Variants in USP32 observed in about 807,000 individuals in gnomAD.
USP32 encodes ubiquitin specific peptidase 32.
USP32 carries 59 observed loss-of-function variants against 204.8 expected under a neutral mutation model. The ratio of observed to expected loss-of-function variants is 0.29; its 90% CI spans 0.23 to 0.36. The LOEUF is 0.36. Ranked by LOEUF, USP32 falls within the 10% of genes least tolerant of loss-of-function variation. The pLI is 1.00. For synonymous variants in USP32, 517 were observed against 678.4 expected (o/e 0.76, Z 3.70); for missense variants, 1,160 against 1,946.4 (o/e 0.60, Z 7.60).
At chr17:60,369,027 C>T (rs1414384226) in intron 1 of USP32, among the ~76,000 whole-genome samples, 15 of 107,702 alleles carry the variant, frequency 1.4e-4, no homozygotes, top group Non-Finnish European at 1.9e-4. Flanking sequence ...CGGAGTCTCG[C>T]TCTGTCGCCC....
chr17:60,247,125 T>C (rs1288191249), intron 11 of USP32, among the ~76,000 whole-genome samples: 6 of 152,202 alleles, frequency 3.9e-5, no homozygotes, highest in Admixed American at 2.0e-4. Context: ...TCCTACAGCA[T>C]TTCCCCAATT....
intron 1 of USP32, among the ~76,000 whole-genome samples, chr17:60,387,101 CG>C: frequency 6.6e-6 from 1 of 152,240 alleles, no homozygotes; most frequent in Middle Eastern, 3.4e-3. Context: ...GAGATAAATA[CG>C]CATCCCAGAA....
In USP32 at chr17:60,274,554, A is replaced by G. The variant is rs865954046; in HGVS notation, c.572-3073T>C. Among the ~76,000 whole-genome samples, 34 of 152,330 alleles carry G rather than the reference A, an allele frequency of 2.2e-4. 1 individual carries two copies. The highest frequency in any genetic ancestry group is 7.7e-4 in the African/African-American group (32 of 41,582). Reference sequence around the variant, plus strand: ...GATGGGGGAAAAACACATTACAAACAAAAGAACTAAGATAATAATTTATCT... The same window carrying G: ...GATGGGGGAAAAACACATTACAAACGAAAGAACTAAGATAATAATTTATCT... On this transcript the variant is annotated intron_variant, in intron 5 of 33. Transcript: ENST00000300896.
intron 1 of USP32, among the ~76,000 whole-genome samples, chr17:60,418,276 A>T (rs1306171753): frequency 6.6e-6 from 1 of 151,768 alleles, no homozygotes; most frequent in Non-Finnish European, 1.5e-5. Flanking sequence ...TATTTTTAGT[A>T]GAGACAGCAT....
At chr17:60,191,409 A>AG in intron 28 of USP32, among the ~76,000 whole-genome samples, 1 of 150,332 alleles carries the variant, frequency 6.7e-6, no homozygotes, top group Non-Finnish European at 1.5e-5. Context: ...TTAAAAAAAA[A>AG]AAAAAAAAAA....
chr17:60,356,194 A>G (rs1052698738), intron 1 of USP32, among the ~76,000 whole-genome samples: 2 of 152,196 alleles, frequency 1.3e-5, no homozygotes, highest in African/African-American at 2.4e-5. Flanking sequence ...AAAAACAATC[A>G]GTGGCAACTA....
In USP32 at chr17:60,311,457, T is replaced by C. The variant is rs2087851552; in HGVS notation, c.187-9753A>G. On this transcript the variant is annotated intron_variant, in intron 2 of 33. Coordinates refer to ENST00000300896, the MANE Select transcript of USP32 (RefSeq NM_032582.4). ...AACTCTGAAGAGAGGGAAATTTGTC[T>C]GTATTGTCAAAGAAAAAGACTTATA... Among the ~76,000 whole-genome samples, 3 of 152,328 alleles carry C rather than the reference T, an allele frequency of 2.0e-5. No individual in the cohort carries two copies. The South Asian group carries it at 6.2e-4, about 32-fold the overall frequency.
At chr17:60,381,538 T>G (rs1230373451) in intron 1 of USP32, among the ~76,000 whole-genome samples, 1 of 152,178 alleles carries the variant, frequency 6.6e-6, no homozygotes. Context: ...ATCTTTGAAA[T>G]GCACCTCTAG....
rs1053805680 is a variant in USP32, at chr17:60,289,945, G to A, written c.412-1263C>T. Among the ~76,000 whole-genome samples, 6 of 151,946 alleles carry A rather than the reference G, an allele frequency of 3.9e-5. No homozygotes were observed. In the East Asian group the frequency reaches 7.7e-4, roughly 20 times the overall value. On this transcript the variant is annotated intron_variant, in intron 4 of 33. Coordinates refer to ENST00000300896, the MANE Select transcript of USP32 (RefSeq NM_032582.4). ...TTAAGTGAGGCGATACTTTTAGCCC[G>A]GTACTTTCAGAACATTTAACGTGAC...
intron 12 of USP32, among the ~76,000 whole-genome samples, chr17:60,226,749 G>A (rs544505176): frequency 1.3e-5 from 2 of 152,110 alleles, no homozygotes; most frequent in South Asian, 4.2e-4. Flanking sequence ...AGAGTGAAGG[G>A]CAATGCTATG....
intron 6 of USP32, among the ~76,000 whole-genome samples, chr17:60,270,037 T>C (rs1400232655): frequency 6.6e-5 from 10 of 152,206 alleles, no homozygotes; most frequent in Admixed American, 5.9e-4. Flanking sequence ...AGATACACTA[T>C]GCAACATAAG....
intron 27 of USP32, among the ~76,000 whole-genome samples, chr17:60,194,518 T>C (rs1341240236): frequency 6.6e-6 from 1 of 152,268 alleles, no homozygotes; most frequent in African/African-American, 2.4e-5. Flanking sequence ...GGAAGGTACA[T>C]ATCTTCTTTA....
chr17:60,398,356 C>G (rs765910049), intron 1 of USP32, among the ~76,000 whole-genome samples: 1 of 152,060 alleles, frequency 6.6e-6, no homozygotes, highest in Non-Finnish European at 1.5e-5. Flanking sequence ...GACTGCGTCA[C>G]TGCACTCAAG....
At chr17:60,422,295 C>A in exon 1 of USP32, 1 of 483,992 alleles carries the variant, frequency 2.1e-6, no homozygotes, top group Non-Finnish European at 3.5e-6. Flanking sequence ...AGAAGGGGCG[C>A]CAGCCTCTCC....
intron 28 of USP32, among the ~76,000 whole-genome samples, 167 bp downstream of exon 28, chr17:60,192,677 G>A (rs1351477901): frequency 3.9e-5 from 6 of 152,102 alleles, no homozygotes; most frequent in Non-Finnish European, 1.5e-5. Flanking sequence ...CACCCACCTC[G>A]GCTTCCCAAA....
chr17:60,393,926 C>T (rs534643336), upstream of USP32, among the ~76,000 whole-genome samples: 87 of 152,284 alleles, frequency 5.7e-4, no homozygotes, highest in African/African-American at 2.0e-3. Context: ...TCAGATGATC[C>T]GCCCGCCTCA....
intron 5 of USP32, among the ~76,000 whole-genome samples, chr17:60,287,133 C>G (rs948100902): frequency 2.0e-5 from 3 of 152,022 alleles, no homozygotes; most frequent in Non-Finnish European, 4.4e-5. Context: ...CTGGGCGACA[C>G]AGCAATACTT....
chr17:60,198,226 A>G, intron 27 of USP32, 34 bp downstream of exon 27: 1 of 1,597,916 alleles, frequency 6.3e-7, no homozygotes, highest in Non-Finnish European at 8.5e-7. Flanking sequence ...TAGAGTTTGG[A>G]AACCACAGGT....
intron 21 of USP32, among the ~76,000 whole-genome samples, chr17:60,209,886 G>A (rs559926483): frequency 6.6e-6 from 1 of 151,872 alleles, no homozygotes; most frequent in African/African-American, 2.4e-5. Context: ...GTTCTATAAC[G>A]TTTTACATTT....
Sources: allele counts gnomAD v4.1 joint callset (sites outside exome capture counted in the v4.1 genomes callset), GRCh38; gene constraint gnomAD v4.1.1; transcripts MANE v1.5; gene names NCBI Gene and HGNC (gene_info 2026-07-23, HGNC 2026-07-21).